Variants in CLSPN observed in about 807,000 individuals in gnomAD.
CLSPN encodes claspin, also known as claspin homolog.
A neutral mutation model predicts 156.3 loss-of-function variants in CLSPN; 85 were observed. The observed-to-expected ratio is 0.54, with a 90% CI of 0.46 to 0.65. The LOEUF is 0.65. Ranked by LOEUF, CLSPN falls within the 30% of genes least tolerant of loss-of-function variation. The probability of loss-of-function intolerance (pLI) is 0.00; values close to 1 mark genes in which losing one functional copy is unlikely to be tolerated. For synonymous variants in CLSPN, 534 were observed against 542.4 expected, an observed-to-expected ratio of 0.98 and a Z score of 0.22; for missense variants, 1,407 against 1,554.9, an observed-to-expected ratio of 0.90 and a Z score of 1.60.
At chr1:35,765,994 C>CACTTTT (rs1642658299) in intron 1 of CLSPN, among the ~76,000 whole-genome samples, 1 of 106,484 alleles carries the variant, frequency 9.4e-6, no homozygotes, top group African/African-American at 3.7e-5. Context: ...CTCTCTCTCT[C>CACTTTT]TTTTTTTTTT....
chr1:35,733,878 G>C lies in CLSPN; in HGVS notation c.*2618C>G. 1 of 584,862 alleles carries C rather than the reference G, an allele frequency of 1.7e-6. No homozygotes were observed. The highest frequency in any genetic ancestry group is 2.2e-6 in the Non-Finnish European group (1 of 464,372). 36.2% of individuals were successfully genotyped at this position (584,862 alleles called of 1,614,324 possible). A position where few individuals can be genotyped will look rare whatever the true frequency, so the allele number is the denominator to read the frequency against. Reference sequence around the variant, plus strand: ...TGTAATGTGGCCCAGCTATTCCAAAGGTTGAGGAAGGAGGATGCTGAAGCC... The same window carrying C: ...TGTAATGTGGCCCAGCTATTCCAAACGTTGAGGAAGGAGGATGCTGAAGCC... On this transcript the variant is annotated 3_prime_UTR_variant, in exon 25 of 25. Coordinates refer to ENST00000318121, the MANE Select transcript of CLSPN (RefSeq NM_022111.4).
At chr1:35,723,615 C>T (rs367895685) in intron 24 of CLSPN, among the ~76,000 whole-genome samples, 1 of 152,216 alleles carries the variant, frequency 6.6e-6, no homozygotes, top group African/African-American at 2.4e-5. Flanking sequence ...TTACAGAGTG[C>T]TTACTTTGTG....
chr1:35,762,299 G>T, intron 5 of CLSPN, 105 bp downstream of exon 5: 1 of 1,059,860 alleles, frequency 9.4e-7, no homozygotes, highest in Non-Finnish European at 1.4e-6. Context: ...AATATGATGG[G>T]TAACAGAAAA....
chr1:35,738,238 C>G lies in CLSPN; in HGVS notation c.3559-141G>C, dbSNP rs192647417. On this transcript the variant is annotated intron_variant, in intron 21 of 24. Transcript: ENST00000318121. The stretch of plus-strand genomic sequence containing the variant: ...TTTGTTTTCCTTTTTGCAGCCTTTG[C>G]TGCTTTAGACAAAAAAAAATTAATC... 4.0e-3 allele frequency: 2,537 copies of G among 632,070 alleles called. 31 individuals carry two copies. The highest frequency in any genetic ancestry group is 0.032 in the African/African-American group (1,728 of 53,318). The allele number at this position is 632,070 out of a possible 1,614,324, so 39.2% of individuals were successfully genotyped here.
rs746973000 is a variant in CLSPN, at chr1:35,733,766, C to T, written c.*2730G>A. The T allele has an allele frequency of 2.3e-6, 2 of 858,990 alleles. No homozygotes were observed. Among genetic ancestry groups the T allele is most frequent in the Non-Finnish European group, 2.8e-6 (2 of 715,292 alleles). The allele number at this position is 858,990 out of a possible 1,614,324, so 53.2% of individuals were successfully genotyped here. On this transcript the variant is annotated 3_prime_UTR_variant, in exon 25 of 25. Coordinates refer to ENST00000318121, the MANE Select transcript of CLSPN (RefSeq NM_022111.4). ...GCCAAGGTGGGAGGATTACTTGAGG[C>T]CAGGAGTTCAAGATCAGCTGGGGCA...
chr1:35,764,124 T>C (rs1376400626), intron 3 of CLSPN, 142 bp downstream of exon 3: 3 of 625,156 alleles, frequency 4.8e-6, no homozygotes, highest in Non-Finnish European at 8.2e-6. Context: ...TTAAATCACA[T>C]ACCTATTGAG....
chr1:35,762,343 G>T, intron 5 of CLSPN, 61 bp downstream of exon 5: 1 of 1,360,832 alleles, frequency 7.3e-7, no homozygotes, highest in Non-Finnish European at 1.0e-6. Flanking sequence ...TTATCCCTAA[G>T]AAATCTATAA....
rs1291032210 is a variant in CLSPN at position 35,735,814 on chromosome 1, A to G, written c.*682T>C. Reference sequence around the variant, plus strand: ...ACTGATTTTCACTGTTTAATCTGTAATGTCACACTTTTCCCTACTCTTCCT... The same window carrying G: ...ACTGATTTTCACTGTTTAATCTGTAGTGTCACACTTTTCCCTACTCTTCCT... On this transcript the variant is annotated 3_prime_UTR_variant, in exon 25 of 25. Transcript: ENST00000318121. 1.0e-6 allele frequency: 1 copy of G among 985,334 alleles called. No individual in the cohort carries two copies. The highest frequency in any genetic ancestry group is 6.1e-5 in the Admixed American group (1 of 16,272). 61.0% of individuals were successfully genotyped at this position (985,334 alleles called of 1,614,324 possible).
chr1:35,760,633 G>T lies in CLSPN; in HGVS notation c.1288C>A (p.Gln430Lys), dbSNP rs1306664012. 5 of 1,614,026 alleles carry T rather than the reference G, an allele frequency of 3.1e-6. No individual in the cohort carries two copies. The highest frequency in any genetic ancestry group is 1.3e-5 in the African/African-American group (1 of 74,892). ...PSPGDSSVLQ[Q>K]ESNFLGNNHS... ...TTGTTCCCGAGGAAGTTGGATTCCT[G>T]TTGCAACACTGAGCTGTCCCCAGGT... Residue 430 changes from glutamine (Q) to lysine (K), a missense_variant, in exon 8 of 25, where the codon CAG (glutamine) becomes AAG (lysine). Around this residue, in one of 3 missense-constraint regions of CLSPN, gnomAD observed 1,096 missense variants for 1,193.0 expected, o/e 0.92. Coordinates refer to ENST00000318121, the MANE Select transcript of CLSPN (RefSeq NM_022111.4).
Position 35,734,284 on chromosome 1 carries a change from T to A in CLSPN, c.*2212A>T, listed in dbSNP as rs577647109. The A allele has an allele frequency of 5.9e-5, 58 of 985,178 alleles. No homozygotes were observed. Among genetic ancestry groups the A allele is most frequent in the South Asian group, 3.8e-4 (8 of 21,288 alleles). 61.0% of individuals were successfully genotyped at this position (985,178 alleles called of 1,614,324 possible). A position where few individuals can be genotyped will look rare whatever the true frequency, so the allele number is the denominator to read the frequency against. ...AAGGCATTAAGATTTATTGAAAAAC[T>A]ACATACATATTAAAACATCTTTATA... On this transcript the variant is annotated 3_prime_UTR_variant, in exon 25 of 25. Transcript: ENST00000318121.
rs200534907 is a variant in CLSPN at position 35,765,259 on chromosome 1, C to T, written c.92G>A (p.Gly31Glu). Reference protein sequence around the residue: ...QEEADSPSDSGQGSYETIGPL... With the variant: ...QEEADSPSDSEQGSYETIGPL... ...TCCAATTGTTTCATAGCTGCCCTGT[C>T]CACTATCTGAAGGACTATCTGCTTC... The change falls in exon 2 of 25, where the codon GGA becomes GAA. Residue 31 changes from glycine to glutamate, a missense_variant. Gly to Glu is a moderately conservative substitution (Grantham distance 98). Around this residue, in one of 3 missense-constraint regions of CLSPN, gnomAD observed 1,096 missense variants for 1,193.0 expected, o/e 0.92. Transcript: ENST00000318121. 5.5e-5 allele frequency: 88 copies of T among 1,613,886 alleles called. No homozygotes were observed. The East Asian group carries it at 1.9e-3, about 34-fold the overall frequency.
Position 35,763,348 on chromosome 1 carries a change from A to G in CLSPN, c.583-27T>C, listed in dbSNP as rs531725115. 4 of 1,508,538 alleles carry G rather than the reference A, an allele frequency of 2.7e-6. No individual in the cohort carries two copies. The African/African-American group carries it at 4.3e-5, about 16-fold the overall frequency. 93.4% of individuals were successfully genotyped at this position (1,508,538 alleles called of 1,614,324 possible). A position where few individuals can be genotyped will look rare whatever the true frequency, so the allele number is the denominator to read the frequency against. On this transcript the variant is annotated intron_variant, in intron 3 of 24. Coordinates refer to ENST00000318121, the MANE Select transcript of CLSPN (RefSeq NM_022111.4). The stretch of plus-strand genomic sequence containing the variant: ...TAAGTAATACATAAACAAAAAGCAT[A>G]ATCCAATCATTTAAAAATCCAGTAT...
Position 35,763,338 on chromosome 1 carries a change from C to T in CLSPN, c.583-17G>A, listed in dbSNP as rs1381068825. 6.5e-7 allele frequency: 1 copy of T among 1,545,588 alleles called. No homozygotes were observed. Among genetic ancestry groups the T allele is most frequent in the Non-Finnish European group, 8.7e-7 (1 of 1,153,298 alleles). On this transcript the variant is annotated splice_polypyrimidine_tract_variant and intron_variant, in intron 3 of 24. Transcript: ENST00000318121. ...ATCATCTTCCTAAGTAATACATAAA[C>T]AAAAAGCATAATCCAATCATTTAAA...
At chr1:35,759,870 C>T (rs1041883067) in intron 8 of CLSPN, among the ~76,000 whole-genome samples, 11 of 138,824 alleles carry the variant, frequency 7.9e-5, no homozygotes, top group Non-Finnish European at 1.1e-4. Context: ...GTCTCGCTCT[C>T]TCACCCAGGC....
intron 18 of CLSPN, among the ~76,000 whole-genome samples, chr1:35,741,798 C>A (rs1480929099): frequency 6.6e-6 from 1 of 151,206 alleles, no homozygotes; most frequent in Non-Finnish European, 1.5e-5. Context: ...CATGGTGAAA[C>A]CCCGTCTCTA....
In CLSPN at chr1:35,760,365, A is replaced by G. The variant is rs1354160864; in HGVS notation, c.1556T>C (p.Ile519Thr). The change falls in exon 8 of 25, where the codon ATA becomes ACA. Residue 519 changes from isoleucine (I) to threonine (T), a missense_variant. Ile to Thr is a moderately conservative substitution (Grantham distance 89). Around this residue, in one of 3 missense-constraint regions of CLSPN, gnomAD observed 1,096 missense variants for 1,193.0 expected, o/e 0.92. Transcript: ENST00000318121. ...RLGADEDSFV[I>T]LEPETNRELE... Reference sequence around the variant, plus strand: ...ACCTCTGTTGGTTTCAGGTTCAAGTATCACAAAGGAATCTTCATCAGCACC... The same window carrying G: ...ACCTCTGTTGGTTTCAGGTTCAAGTGTCACAAAGGAATCTTCATCAGCACC... 6.2e-7 allele frequency: 1 copy of G among 1,613,574 alleles called. No homozygotes were observed. Among genetic ancestry groups the G allele is most frequent in the Admixed American group, 1.7e-5 (1 of 59,974 alleles).
chr1:35,727,930 T>C (rs1641230203), downstream of CLSPN, among the ~76,000 whole-genome samples: 1 of 152,204 alleles, frequency 6.6e-6, no homozygotes, highest in African/African-American at 2.4e-5. Flanking sequence ...GTCTTCTGTG[T>C]GTGTGCATAT....
chr1:35,763,895 A>G (rs1642571957), intron 3 of CLSPN, among the ~76,000 whole-genome samples: 1 of 151,938 alleles, frequency 6.6e-6, no homozygotes, highest in South Asian at 2.1e-4. Flanking sequence ...CCTGGGCTCA[A>G]GTGATTCTCC....
Position 35,760,925 on chromosome 1 carries a change from G to C in CLSPN, c.1005-9C>G, listed in dbSNP as rs750478115. The stretch of plus-strand genomic sequence containing the variant: ...ACTGATATTTAGATGACCTAGAGAA[G>C]AGAAATTGAGCTGGAGTTGAAAATT... On this transcript the variant is annotated splice_polypyrimidine_tract_variant and intron_variant, in intron 7 of 24. Transcript: ENST00000318121. 18 of 1,588,526 alleles carry C rather than the reference G, an allele frequency of 1.1e-5. No individual in the cohort carries two copies. In the South Asian group the frequency reaches 2.0e-4, roughly 18 times the overall value.
Sources: allele counts gnomAD v4.1 joint callset (sites outside exome capture counted in the v4.1 genomes callset), GRCh38; gene constraint gnomAD v4.1.1; regional missense constraint gnomAD v4.1.1; transcripts MANE v1.5; gene names NCBI Gene and HGNC (gene_info 2026-07-23, HGNC 2026-07-21).